The following CXXC4 variants were observed in gnomAD, a reference collection of about 807,000 sequenced individuals.
The protein encoded by CXXC4 is CXXC finger protein 4.
CXXC4 carries 5 observed loss-of-function variants against 20.5 expected under a neutral mutation model. The ratio of observed to expected loss-of-function variants is 0.24; its 90% CI spans 0.13 to 0.51. The LOEUF (loss-of-function observed/expected upper bound fraction) is 0.51, where lower values mean the gene tolerates loss of function less well. CXXC4 is among the 20% of genes least tolerant of loss of function. CXXC4 has a pLI of 0.97. For synonymous variants in CXXC4, 250 were observed against 216.4 expected, an observed-to-expected ratio of 1.16 and a Z score of -1.36; for missense variants, 419 against 496.4, an observed-to-expected ratio of 0.84 and a Z score of 1.48.
chr4:104,478,983 G>C (rs1016570535), intron 2 of CXXC4, among the ~76,000 whole-genome samples: 3 of 151,934 alleles, frequency 2.0e-5, no homozygotes, highest in African/African-American at 7.3e-5. Flanking sequence ...ATAAATATGT[G>C]TGTGTATATA....
rs1365503143 is a variant in CXXC4 at position 104,491,378 on chromosome 4, G to A, written c.425C>T (p.Ala142Val). The stretch of plus-strand genomic sequence containing the variant: ...CGAGGAGGAGGAGGCGGAGGAGGAG[G>A]CGGCGGCGGAGGAGGATTTCCTGCC... ...GGGRKSSSAA[A>V]SSSASSSSAI... Residue 142 changes from alanine to valine, a missense_variant, in exon 2 of 3, where the codon GCC becomes GTC. Coordinates refer to ENST00000394767, the MANE Select transcript of CXXC4 (RefSeq NM_025212.4). 7.3e-7 allele frequency: 1 copy of A among 1,368,574 alleles called. No individual in the cohort carries two copies. Among genetic ancestry groups the A allele is most frequent in the Non-Finnish European group, 9.4e-7 (1 of 1,059,946 alleles). 84.8% of individuals were successfully genotyped at this position (1,368,574 alleles called of 1,614,324 possible). A position where few individuals can be genotyped will look rare whatever the true frequency, so the allele number is the denominator to read the frequency against.
At chr4:104,493,602 T>C (rs1323199706) in intron 1 of CXXC4, among the ~76,000 whole-genome samples, 2 of 152,194 alleles carry the variant, frequency 1.3e-5, no homozygotes, top group Non-Finnish European at 2.9e-5. Flanking sequence ...CACCCCAGGC[T>C]GGATTAGAAG....
At chr4:104,487,112 GA>G (rs1034624478) in intron 2 of CXXC4, among the ~76,000 whole-genome samples, 2 of 151,820 alleles carry the variant, frequency 1.3e-5, no homozygotes, top group African/African-American at 4.8e-5. Context: ...AGAAAGTAAA[GA>G]AAAAAAATGG....
At chr4:104,488,208 G>A (rs1736744467) in intron 2 of CXXC4, among the ~76,000 whole-genome samples, 1 of 152,202 alleles carries the variant, frequency 6.6e-6, no homozygotes, top group Admixed American at 6.5e-5. Flanking sequence ...CCCTCAGCCA[G>A]GAACCCATCC....
chr4:104,482,890 GT>G (rs1736591950), intron 2 of CXXC4, among the ~76,000 whole-genome samples: 1 of 151,914 alleles, frequency 6.6e-6, no homozygotes, highest in Non-Finnish European at 1.5e-5. Context: ...ATGGTGTGGG[GT>G]TTTTTGTTCT....
At chr4:104,481,000 G>A (rs917174946) in intron 2 of CXXC4, among the ~76,000 whole-genome samples, 28 of 151,796 alleles carry the variant, frequency 1.8e-4, no homozygotes, top group African/African-American at 6.8e-4. Flanking sequence ...CCAGCAGTCT[G>A]TAAAATATGC....
At chr4:104,485,072 C>T (rs1736652690) in intron 2 of CXXC4, among the ~76,000 whole-genome samples, 1 of 152,014 alleles carries the variant, frequency 6.6e-6, no homozygotes, top group Admixed American at 6.5e-5. Context: ...TCAAAATTTA[C>T]ATGGATTACA....
In CXXC4 at chr4:104,468,394, T is replaced by C. The variant is rs1167753984; in HGVS notation, c.*3928A>G. 1.2e-3 allele frequency: 19 copies of C among 15,288 alleles called. No homozygotes were observed. In the African/African-American group the frequency reaches 0.025, roughly 20 times the overall value. The allele number at this position is 15,288 out of a possible 1,614,324, so 0.9% of individuals were successfully genotyped here. On this transcript the variant is annotated 3_prime_UTR_variant, in exon 3 of 3. Coordinates refer to ENST00000394767, the MANE Select transcript of CXXC4 (RefSeq NM_025212.4). ...GCAAATTGAATGTGATTTTTTTTACTTTTTTTTTTTTTTTACAGTTTTGTA... is the reference window on the plus strand; with the variant it reads ...GCAAATTGAATGTGATTTTTTTTACCTTTTTTTTTTTTTTACAGTTTTGTA...
intron 2 of CXXC4, among the ~76,000 whole-genome samples, chr4:104,485,805 T>C (rs780514583): frequency 6.6e-6 from 1 of 152,136 alleles, no homozygotes; most frequent in Non-Finnish European, 1.5e-5. Context: ...ACAGGCTATT[T>C]TATTAAATTG....
chr4:104,479,187 C>T (rs10013053), intron 2 of CXXC4, among the ~76,000 whole-genome samples: 103,150 of 151,896 alleles, frequency 0.68, 36,925 homozygotes, highest in African/African-American at 0.91. Context: ...TCAGTGAAAC[C>T]GTATTAACTT....
At chr4:104,473,633 C>T (rs993602431) in intron 2 of CXXC4, among the ~76,000 whole-genome samples, 6 of 151,936 alleles carry the variant, frequency 3.9e-5, no homozygotes, top group Non-Finnish European at 2.9e-5. Flanking sequence ...ATTCCTTAGA[C>T]TAGCCCAACA....
At chr4:104,483,877 T>C (rs1280817750) in intron 2 of CXXC4, among the ~76,000 whole-genome samples, 1 of 152,022 alleles carries the variant, frequency 6.6e-6, no homozygotes, top group African/African-American at 2.4e-5. Flanking sequence ...TAATTGAAAT[T>C]GGCTCACCAT....
At chr4:104,484,760 T>C (rs1252483446) in intron 2 of CXXC4, among the ~76,000 whole-genome samples, 1 of 152,050 alleles carries the variant, frequency 6.6e-6, no homozygotes, top group Non-Finnish European at 1.5e-5. Context: ...GTCTTCAACA[T>C]TATTAAATGG....
rs752708689 is a variant in CXXC4 at position 104,491,072 on chromosome 4, C to G, written c.731G>C (p.Gly244Ala). 1 of 1,614,024 alleles carries G rather than the reference C, an allele frequency of 6.2e-7. No individual in the cohort carries two copies. Among genetic ancestry groups the G allele is most frequent in the South Asian group, 1.1e-5 (1 of 91,086 alleles). ...GTFSAIPALGGISLPPGVIVM... is the reference protein window; with the variant it reads ...GTFSAIPALGAISLPPGVIVM... ...GATGACCCCTGGAGGTAATGAGATG[C>G]CCCCTAAAGCCGGGATAGCGGAAAA... is the stretch of plus-strand genomic sequence containing the variant. The change falls in exon 2 of 3, where the codon GGC becomes GCC. Residue 244 changes from glycine to alanine, a missense_variant. Gly to Ala is a moderately conservative substitution (Grantham distance 60). Around this residue, in one of 3 missense-constraint regions of CXXC4, gnomAD observed 388 missense variants for 416.0 expected, o/e 0.93. Coordinates refer to ENST00000394767, the MANE Select transcript of CXXC4 (RefSeq NM_025212.4).
At chr4:104,479,829 C>A (rs1242046819) in intron 2 of CXXC4, among the ~76,000 whole-genome samples, 1 of 148,428 alleles carries the variant, frequency 6.7e-6, no homozygotes, top group Non-Finnish European at 1.5e-5. Flanking sequence ...TTCCCTCCCT[C>A]CCTCTCTCCC....
chr4:104,482,505 T>A (rs952308005), intron 2 of CXXC4, among the ~76,000 whole-genome samples: 1 of 152,114 alleles, frequency 6.6e-6, no homozygotes, highest in African/African-American at 2.4e-5. Flanking sequence ...GACTGTTAAT[T>A]TTATCCTTTT....
intron 2 of CXXC4, among the ~76,000 whole-genome samples, chr4:104,480,695 A>G (rs76159735): frequency 5.3e-5 from 8 of 152,204 alleles, no homozygotes; most frequent in African/African-American, 1.7e-4. Flanking sequence ...TTCTGAGACT[A>G]ACTATTGCTT....
chr4:104,486,032 T>C (rs1301302554), intron 2 of CXXC4, among the ~76,000 whole-genome samples: 2 of 152,134 alleles, frequency 1.3e-5, no homozygotes, highest in Non-Finnish European at 2.9e-5. Flanking sequence ...TGCCTTGTGT[T>C]TGCTCACTTA....
At chr4:104,472,439 A>T (rs1736300310) in intron 2 of CXXC4, 73 bp from the exon 3 acceptor site, 1 of 1,039,378 alleles carries the variant, frequency 9.6e-7, no homozygotes, top group African/African-American at 1.6e-5. Context: ...TTTCTCCTTT[A>T]CACTTCAGCA....
Sources: gnomAD v4.1 joint callset for allele counts (sites outside exome capture counted in the v4.1 genomes callset) on GRCh38, gnomAD v4.1.1 for gene constraint, gnomAD v4.1.1 regional missense constraint, MANE v1.5 for transcripts, NCBI Gene and HGNC (gene_info 2026-07-23, HGNC 2026-07-21) for gene names.